Variants in PLXNC1 observed in about 807,000 individuals in gnomAD.
PLXNC1 encodes the protein plexin-C1.
In PLXNC1, 75 loss-of-function variants were observed where a neutral mutation model predicts 178.2. The ratio of observed to expected loss-of-function variants is 0.42; its 90% confidence interval spans 0.35 to 0.51. PLXNC1 has a LOEUF of 0.51. PLXNC1 is among the 20% of genes least tolerant of loss of function. PLXNC1 has a pLI of 0.02. For synonymous variants in PLXNC1, 790 were observed against 779.9 expected, an observed-to-expected ratio of 1.01 and a Z score of -0.22; for missense variants, 1,503 against 1,984.4, an observed-to-expected ratio of 0.76 and a Z score of 4.61.
At chr12:94,172,506 TA>T (rs1961883460) in intron 2 of PLXNC1, among the ~76,000 whole-genome samples, 1 of 152,198 alleles carries the variant, frequency 6.6e-6, no homozygotes, top group Admixed American at 6.5e-5. Flanking sequence ...TATGCTCATG[TA>T]AAAAGTTGCA....
At chr12:94,261,133 T>C (rs11107486) in intron 20 of PLXNC1, among the ~76,000 whole-genome samples, 36,545 of 150,670 alleles carry the variant, frequency 0.24, 4,489 homozygotes, top group South Asian at 0.29. Context: ...TTTAAGAAAA[T>C]GTACTGAGAA....
Position 94,240,596 on chromosome 12 carries a change from T to C in PLXNC1, c.2232T>C (p.Ser744=), listed in dbSNP as rs760912178. The C allele has an allele frequency of 1.9e-6, 3 of 1,613,920 alleles. No homozygotes were observed. The highest frequency in any genetic ancestry group is 1.7e-5 in the Admixed American group (1 of 60,004). ...CIQFDGGNCS[S]VGSLSYIALP... is the part of the protein sequence containing the mutation. ...AGTTTGATGGTGGGAACTGCTCTTCTGTGGGATCCTTATCCTACATTGCTC... is the reference window on the plus strand; with the variant it reads ...AGTTTGATGGTGGGAACTGCTCTTCCGTGGGATCCTTATCCTACATTGCTC... The change falls in exon 11 of 31, where the codon TCT becomes TCC. Residue 744 remains serine (S), a synonymous_variant. Transcript: ENST00000258526.
intron 4 of PLXNC1, among the ~76,000 whole-genome samples, chr12:94,203,677 C>T (rs1439334947): frequency 6.6e-6 from 1 of 152,176 alleles, no homozygotes; most frequent in African/African-American, 2.4e-5. Context: ...CAACCTCTGA[C>T]ATGGAGGTGG....
chr12:94,273,941 A>C (rs1047227429), intron 21 of PLXNC1, among the ~76,000 whole-genome samples: 3 of 151,992 alleles, frequency 2.0e-5, no homozygotes, highest in African/African-American at 7.3e-5. Flanking sequence ...GCTCTGCGTC[A>C]CCATCTCCCA....
At chr12:94,244,974 C>G (rs1964487557) in intron 12 of PLXNC1, among the ~76,000 whole-genome samples, 1 of 152,198 alleles carries the variant, frequency 6.6e-6, no homozygotes, top group Non-Finnish European at 1.5e-5. Context: ...CTCTGGGGCC[C>G]TGCCTGACCA....
chr12:94,224,919 C>T (rs533089792), intron 7 of PLXNC1, among the ~76,000 whole-genome samples: 2 of 152,140 alleles, frequency 1.3e-5, no homozygotes, highest in South Asian at 4.2e-4. Context: ...AAAGAAGGAG[C>T]GCTGCTAGGT....
At chr12:94,169,328 T>C in intron 2 of PLXNC1, 35 bp downstream of exon 2, 1 of 1,586,472 alleles carries the variant, frequency 6.3e-7, no homozygotes, top group Non-Finnish European at 8.6e-7. Context: ...ATGTCTATTT[T>C]AATGGTGATA....
intron 24 of PLXNC1, among the ~76,000 whole-genome samples, chr12:94,295,962 C>T (rs529253257): frequency 1.3e-5 from 2 of 152,326 alleles, no homozygotes; most frequent in South Asian, 4.1e-4. Flanking sequence ...TACCAACCTA[C>T]CTGCACCTGC....
chr12:94,290,172 A>G (rs914281248), intron 23 of PLXNC1, among the ~76,000 whole-genome samples: 18 of 152,382 alleles, frequency 1.2e-4, no homozygotes, highest in Middle Eastern at 3.4e-3. Flanking sequence ...ACAATTACCC[A>G]GAATGAATCA....
intron 4 of PLXNC1, among the ~76,000 whole-genome samples, chr12:94,193,941 C>T (rs1291625633): frequency 4.6e-5 from 7 of 152,112 alleles, no homozygotes; most frequent in Non-Finnish European, 1.0e-4. Context: ...TCTGTTTTTG[C>T]ACTGCTATAA....
At chr12:94,219,873 C>G (rs941396470) in intron 5 of PLXNC1, 143 bp from the exon 6 acceptor site, 2 of 450,482 alleles carry the variant, frequency 4.4e-6, no homozygotes, top group African/African-American at 2.0e-5. Flanking sequence ...GCTCTGTCAC[C>G]CAGAAACATC....
At chr12:94,278,714 TG>T (rs1350744074) in intron 21 of PLXNC1, among the ~76,000 whole-genome samples, 6 of 152,104 alleles carry the variant, frequency 3.9e-5, no homozygotes, top group Non-Finnish European at 8.8e-5. Context: ...GTGACCTCTT[TG>T]GGCCGGGCAC....
chr12:94,300,360 A>G (rs575630611), intron 27 of PLXNC1, among the ~76,000 whole-genome samples: 78 of 152,332 alleles, frequency 5.1e-4, no homozygotes, highest in African/African-American at 1.7e-3. Flanking sequence ...CTGAGGCAAG[A>G]AAGTTTCAGG....
intron 20 of PLXNC1, among the ~76,000 whole-genome samples, 162 bp from the exon 21 acceptor site, chr12:94,264,917 A>C (rs1027868080): frequency 6.6e-6 from 1 of 152,262 alleles, no homozygotes; most frequent in African/African-American, 2.4e-5. Flanking sequence ...TGAGTTTTGC[A>C]TCCAATCCCA....
rs1968738548 is a variant in PLXNC1, at chr12:94,303,904, TAGAA to T, written c.4527+11_4527+14del. ...TTAACTCAGGAATCTAAGGTATCATTAGAAAGCAGAAATAAGCTTATATTTGGTT... is the reference window on the plus strand; with the variant it reads ...TTAACTCAGGAATCTAAGGTATCATTAGCAGAAATAAGCTTATATTTGGTT... On this transcript the variant is annotated intron_variant, in intron 29 of 30. Transcript: ENST00000258526. 3.1e-6 allele frequency: 5 copies of T among 1,609,490 alleles called. No homozygotes were observed. Among genetic ancestry groups the T allele is most frequent in the Admixed American group, 1.7e-5 (1 of 59,100 alleles).
chr12:94,243,921 G>A lies in PLXNC1; in HGVS notation c.2301-17G>A. On this transcript the variant is annotated splice_polypyrimidine_tract_variant and intron_variant, in intron 11 of 30. Transcript: ENST00000258526. The stretch of plus-strand genomic sequence containing the variant: ...TGTTAGCTATGAAACCCTTATTGTT[G>A]CTTTTATTCCTTGCAGTGGTGGTCA... 1.4e-6 allele frequency: 2 copies of A among 1,393,494 alleles called. No individual in the cohort carries two copies. The highest frequency in any genetic ancestry group is 2.0e-6 in the Non-Finnish European group (2 of 997,542). 86.3% of individuals were successfully genotyped at this position (1,393,494 alleles called of 1,614,324 possible).
chr12:94,173,554 T>G (rs1961928321), intron 2 of PLXNC1, among the ~76,000 whole-genome samples: 1 of 152,144 alleles, frequency 6.6e-6, no homozygotes, highest in Non-Finnish European at 1.5e-5. Flanking sequence ...TACCAGTCAA[T>G]ACTCTCACCA....
Position 94,226,715 on chromosome 12 carries a change from G to T in PLXNC1, c.1893+8G>T. The T allele has an allele frequency of 6.3e-7, 1 of 1,591,688 alleles. No individual in the cohort carries two copies. Among genetic ancestry groups the T allele is most frequent in the South Asian group, 1.1e-5 (1 of 90,580 alleles). ...GATTATGAGAGAAACCAGGTAAAGT[G>T]ACATTTTTGGTATTGTAAGTCTTAA... On this transcript the variant is annotated splice_region_variant and intron_variant, in intron 8 of 30. Coordinates refer to ENST00000258526, the MANE Select transcript of PLXNC1 (RefSeq NM_005761.3).
At position 94,248,342 on chromosome 12, in the gene PLXNC1, C is replaced by G; in HGVS notation, c.2708C>G (p.Thr903Ser). The change falls in exon 14 of 31, where the codon ACC becomes AGC. Residue 903 changes from threonine to serine, a missense_variant. Around this residue, in one of 4 missense-constraint regions of PLXNC1, gnomAD observed 639 missense variants for 979.7 expected, o/e 0.65. Coordinates refer to ENST00000258526, the MANE Select transcript of PLXNC1 (RefSeq NM_005761.3). The part of the protein sequence containing the change: ...FENITRNQDL[T>S]TILCKIKGIK... ...AATATTACTAGAAATCAAGATCTTACCACCATCCTTTGCAAAATTAAAGGC... is the reference window on the plus strand; with the variant it reads ...AATATTACTAGAAATCAAGATCTTAGCACCATCCTTTGCAAAATTAAAGGC... 1 of 1,613,766 alleles carries G rather than the reference C, an allele frequency of 6.2e-7. No homozygotes were observed. Among genetic ancestry groups the G allele is most frequent in the Non-Finnish European group, 8.5e-7 (1 of 1,179,810 alleles).
Sources: gnomAD v4.1 joint callset for allele counts (sites outside exome capture counted in the v4.1 genomes callset) on GRCh38, gnomAD v4.1.1 for gene constraint, gnomAD v4.1.1 regional missense constraint, MANE v1.5 for transcripts, NCBI Gene and HGNC (gene_info 2026-07-23, HGNC 2026-07-21) for gene names.